The following TMEM232 variants were observed in gnomAD, a reference collection of about 807,000 sequenced individuals.
TMEM232 encodes the protein transmembrane protein 232.
TMEM232 carries 80 observed loss-of-function variants against 78.8 expected under a neutral mutation model. That is an observed-to-expected ratio of 1.01 (90% CI 0.85 to 1.22). TMEM232 has a LOEUF of 1.22. Ranked by LOEUF, TMEM232 falls within the 50% of genes most tolerant of loss-of-function variation. The pLI, the probability that TMEM232 is intolerant of heterozygous loss-of-function variation, is 0.00. For synonymous variants in TMEM232, 297 were observed against 254.3 expected, an observed-to-expected ratio of 1.17 and a Z score of -1.60; for missense variants, 881 against 742.2, an observed-to-expected ratio of 1.19 and a Z score of -2.17.
chr5:110,590,289 C>A (rs143919677), intron 10 of TMEM232, among the ~76,000 whole-genome samples: 3,694 of 152,140 alleles, frequency 0.024, 47 homozygotes, highest in African/African-American at 0.032. Context: ...TCTTCAAGTT[C>A]TACTCCTGTA....
At chr5:110,645,612 T>C (rs571896072) in intron 2 of TMEM232, among the ~76,000 whole-genome samples, 1 of 151,636 alleles carries the variant, frequency 6.6e-6, no homozygotes, top group South Asian at 2.1e-4. Flanking sequence ...CCACAGCCAA[T>C]ATCATAATTA....
chr5:110,428,302 C>T (rs1219114329), intron 12 of TMEM232, among the ~76,000 whole-genome samples: 1 of 151,854 alleles, frequency 6.6e-6, no homozygotes, highest in Non-Finnish European at 1.5e-5. Context: ...AAACTTTAGA[C>T]AGGCCTCTGA....
chr5:110,730,360 T>A (rs1798560966), upstream of TMEM232, among the ~76,000 whole-genome samples: 1 of 152,284 alleles, frequency 6.6e-6, no homozygotes, highest in Non-Finnish European at 1.5e-5. Flanking sequence ...ATATTGATTT[T>A]GTAATTTAAC....
chr5:110,586,765 G>C (rs1342331037), intron 10 of TMEM232, among the ~76,000 whole-genome samples: 1 of 152,060 alleles, frequency 6.6e-6, no homozygotes, highest in African/African-American at 2.4e-5. Flanking sequence ...CCTATTGGTA[G>C]ACTTACAAAA....
At chr5:110,698,816 T>C (rs1192948786) in intron 1 of TMEM232, among the ~76,000 whole-genome samples, 10 of 152,238 alleles carry the variant, frequency 6.6e-5, no homozygotes, top group African/African-American at 2.2e-4. Flanking sequence ...GCAGTTAAAA[T>C]GGTGGTTTCT....
chr5:110,643,757 A>G (rs189387306), intron 2 of TMEM232, among the ~76,000 whole-genome samples: 24 of 152,178 alleles, frequency 1.6e-4, no homozygotes, highest in Admixed American at 1.6e-3. Flanking sequence ...TTTGTCCCTG[A>G]GTAATTCACA....
chr5:110,729,062 T>C (rs184413249), upstream of TMEM232, among the ~76,000 whole-genome samples: 42 of 151,998 alleles, frequency 2.8e-4, 1 homozygote, highest in East Asian at 5.6e-3. Flanking sequence ...TTTTTGTATT[T>C]TTGGTAGAGA....
chr5:110,524,527 A>C (rs1561624870), intron 12 of TMEM232, among the ~76,000 whole-genome samples: 1 of 152,190 alleles, frequency 6.6e-6, no homozygotes. Context: ...ATATAATTCT[A>C]TCTTTTTGAA....
intron 7 of TMEM232, among the ~76,000 whole-genome samples, chr5:110,624,009 T>C (rs1784100285): frequency 6.6e-6 from 1 of 152,054 alleles, no homozygotes; most frequent in Non-Finnish European, 1.5e-5. Context: ...ATTTGCTTGC[T>C]GTGTGTGTGT....
chr5:110,726,445 T>G (rs531826259), intron 1 of TMEM232, among the ~76,000 whole-genome samples, 182 bp downstream of exon 1: 1 of 152,296 alleles, frequency 6.6e-6, no homozygotes, highest in African/African-American at 2.4e-5. Flanking sequence ...GGGGCCCAGA[T>G]AGCAGGCCCA....
chr5:110,601,358 A>T (rs1780867807), intron 10 of TMEM232, among the ~76,000 whole-genome samples: 1 of 152,186 alleles, frequency 6.6e-6, no homozygotes, highest in Admixed American at 6.6e-5. Context: ...GAGGAAGTCA[A>T]CTTCTCTCTG....
chr5:110,562,572 TTGATGTAG>T (rs1775876339), intron 11 of TMEM232, among the ~76,000 whole-genome samples: 1 of 152,014 alleles, frequency 6.6e-6, no homozygotes, highest in Admixed American at 6.6e-5. Context: ...TTTATGAACT[TTGATGTAG>T]CTAGCCACAT....
intron 2 of TMEM232, among the ~76,000 whole-genome samples, chr5:110,733,788 A>C (rs186100356): frequency 1.7e-3 from 257 of 152,324 alleles, no homozygotes; most frequent in African/African-American, 5.8e-3. Context: ...CCTGTGACAT[A>C]AATTTAGCTA....
intron 11 of TMEM232, among the ~76,000 whole-genome samples, chr5:110,558,699 G>A (rs1330957592): frequency 6.6e-6 from 1 of 152,158 alleles, no homozygotes; most frequent in Non-Finnish European, 1.5e-5. Context: ...AACTTTGGAG[G>A]ATGGGCATCC....
intron 10 of TMEM232, among the ~76,000 whole-genome samples, chr5:110,586,336 C>A (rs140048085): frequency 0.034 from 5,102 of 151,890 alleles, 128 homozygotes; most frequent in Middle Eastern, 0.051. Flanking sequence ...TTATGAAACC[C>A]TTCCTTGTTT....
chr5:110,520,048 TATAG>T (rs950040664), intron 12 of TMEM232, among the ~76,000 whole-genome samples: 2 of 136,890 alleles, frequency 1.5e-5, no homozygotes, highest in Non-Finnish European at 3.1e-5. Context: ...TATATATATA[TATAG>T]AGAGAGAGAG....
chr5:110,713,481 T>C (rs373531306), intron 1 of TMEM232, among the ~76,000 whole-genome samples: 15 of 152,252 alleles, frequency 9.9e-5, no homozygotes, highest in African/African-American at 3.6e-4. Context: ...TTATTATGCA[T>C]TGCAAGCCTG....
chr5:110,689,602 T>C (rs760647241), intron 1 of TMEM232, among the ~76,000 whole-genome samples: 3 of 152,096 alleles, frequency 2.0e-5, no homozygotes, highest in Non-Finnish European at 4.4e-5. Flanking sequence ...CAAGCTACCA[T>C]TGACTTTCTT....
At chr5:110,607,826 T>G (rs1286792978) in intron 8 of TMEM232, among the ~76,000 whole-genome samples, 1 of 151,868 alleles carries the variant, frequency 6.6e-6, no homozygotes, top group Non-Finnish European at 1.5e-5. Flanking sequence ...CTCTTCCTCC[T>G]GCTTGTAATG....
Sources: gnomAD v4.1 joint callset for allele counts (sites outside exome capture counted in the v4.1 genomes callset) on GRCh38, gnomAD v4.1.1 for gene constraint, MANE v1.5 for transcripts, NCBI Gene and HGNC (gene_info 2026-07-23, HGNC 2026-07-21) for gene names.